The following BCO1 variants were observed in gnomAD, a reference collection of about 807,000 sequenced individuals.
BCO1 encodes the protein beta-carotene oxygenase 1.
BCO1 carries 54 observed loss-of-function variants against 56.3 expected under a neutral mutation model. The observed-to-expected ratio is 0.96, with a 90% confidence interval of 0.77 to 1.20. The LOEUF is 1.20. Ranked by LOEUF, BCO1 falls within the 50% of genes most tolerant of loss-of-function variation. The probability of loss-of-function intolerance (pLI) is 0.00; values close to 1 mark genes in which losing one functional copy is unlikely to be tolerated. For synonymous variants in BCO1, 318 were observed against 266.1 expected (o/e 1.20, Z -1.90); for missense variants, 801 against 690.9 (o/e 1.16, Z -1.79).
chr16:81,270,169 A>C lies in BCO1; in HGVS notation c.854A>C (p.His285Pro). 1 of 1,614,166 alleles carries C rather than the reference A, an allele frequency of 6.2e-7. No individual in the cohort carries two copies. Among genetic ancestry groups the C allele is most frequent in the South Asian group, 1.1e-5 (1 of 91,080 alleles). Residue 285 changes from histidine to proline, a missense_variant, in exon 7 of 11, where the codon CAC becomes CCC. Physicochemically the swap from His to Pro is moderately conservative, Grantham distance 77. Coordinates refer to ENST00000258168, the MANE Select transcript of BCO1 (RefSeq NM_017429.3). ...AFHREEKTYIHIIDQRTRQPV... is the reference protein window; with the variant it reads ...AFHREEKTYIPIIDQRTRQPV... ...TGTGTCCTTTTTCAGACTTATATCC[A>C]CATCATCGACCAAAGGACCAGGCAG...
At chr16:81,283,403 A>T (rs1907990530) in intron 8 of BCO1, among the ~76,000 whole-genome samples, 1 of 152,030 alleles carries the variant, frequency 6.6e-6, no homozygotes, top group Admixed American at 6.6e-5. Flanking sequence ...CAGCCTGGAC[A>T]ACATGGCAAA....
At chr16:81,277,796 C>T (rs1425044824) in intron 7 of BCO1, among the ~76,000 whole-genome samples, 1 of 152,170 alleles carries the variant, frequency 6.6e-6, no homozygotes, top group African/African-American at 2.4e-5. Flanking sequence ...AGCATGCTGG[C>T]CACTGAAAGC....
intron 1 of BCO1, 67 bp downstream of exon 1, chr16:81,239,039 C>G: frequency 7.7e-7 from 1 of 1,303,494 alleles, no homozygotes; most frequent in Admixed American, 2.2e-5. Flanking sequence ...TTTTTTGAGG[C>G]GGAGTCTCGC....
At chr16:81,274,122 C>A (rs2150630343) in intron 7 of BCO1, among the ~76,000 whole-genome samples, 1 of 152,290 alleles carries the variant, frequency 6.6e-6, no homozygotes, top group Non-Finnish European at 1.5e-5. Flanking sequence ...TCAAGGCTGA[C>A]CTCAGCCTAG....
intron 2 of BCO1, among the ~76,000 whole-genome samples, chr16:81,252,881 A>T (rs1417632856): frequency 1.3e-5 from 2 of 151,994 alleles, no homozygotes; most frequent in African/African-American, 4.8e-5. Flanking sequence ...AAAACTGCCC[A>T]CCTCACCACT....
chr16:81,271,797 T>C (rs1689014260), intron 7 of BCO1, among the ~76,000 whole-genome samples: 1 of 152,216 alleles, frequency 6.6e-6, no homozygotes, highest in Non-Finnish European at 1.5e-5. Flanking sequence ...CCGCCCAGGC[T>C]GGAGTGCAGT....
chr16:81,267,783 C>T, intron 5 of BCO1, 125 bp from the exon 6 acceptor site: 2 of 788,232 alleles, frequency 2.5e-6, no homozygotes, highest in South Asian at 1.5e-5. Flanking sequence ...TGTCTGTCTA[C>T]ACGTTGCTGT....
intron 7 of BCO1, among the ~76,000 whole-genome samples, chr16:81,272,150 G>GA (rs1453058286): frequency 2.4e-5 from 3 of 126,860 alleles, no homozygotes; most frequent in Non-Finnish European, 3.1e-5. Flanking sequence ...GTCTCGCTCT[G>GA]TGGCCCAGGC....
intron 8 of BCO1, among the ~76,000 whole-genome samples, chr16:81,284,685 A>C (rs1396896655): frequency 6.6e-6 from 1 of 152,058 alleles, no homozygotes; most frequent in African/African-American, 2.4e-5. Flanking sequence ...GGTTCTTGCC[A>C]TGTTGAGCAG....
chr16:81,260,170 C>G (rs1778925036), intron 3 of BCO1, among the ~76,000 whole-genome samples: 1 of 152,112 alleles, frequency 6.6e-6, no homozygotes, highest in Admixed American at 6.6e-5. Context: ...TAGCTGAAAA[C>G]AACCCAAATG....
intron 7 of BCO1, among the ~76,000 whole-genome samples, chr16:81,275,326 C>T (rs1321125174): frequency 1.3e-5 from 2 of 152,222 alleles, no homozygotes; most frequent in East Asian, 1.9e-4. Flanking sequence ...CCCCCATGTC[C>T]GGGCCTTGGC....
chr16:81,267,766 A>C, intron 5 of BCO1, 142 bp from the exon 6 acceptor site: 1 of 732,084 alleles, frequency 1.4e-6, no homozygotes, highest in South Asian at 1.5e-5. Context: ...AGCTGCAGCA[A>C]CCTTGTTGTC....
At chr16:81,259,617 T>A in intron 2 of BCO1, 59 bp from the exon 3 acceptor site, 1 of 1,612,360 alleles carries the variant, frequency 6.2e-7, no homozygotes. Context: ...AGGACTGACA[T>A]TGATTTTAAA....
intron 7 of BCO1, among the ~76,000 whole-genome samples, chr16:81,272,332 A>C (rs1443957617): frequency 2.0e-5 from 3 of 150,452 alleles, no homozygotes; most frequent in African/African-American, 4.9e-5. Context: ...GTTAGCCAGG[A>C]TGGTCTCAAC....
At chr16:81,280,203 C>T (rs1044183087) in intron 7 of BCO1, among the ~76,000 whole-genome samples, 18 of 131,472 alleles carry the variant, frequency 1.4e-4, no homozygotes, top group Admixed American at 9.1e-5. Flanking sequence ...GCAGAGGTTG[C>T]GGTAAGCCAA....
intron 10 of BCO1, among the ~76,000 whole-genome samples, chr16:81,287,977 G>A (rs1217290481): frequency 6.6e-6 from 1 of 152,130 alleles, no homozygotes; most frequent in Non-Finnish European, 1.5e-5. Flanking sequence ...TCCTCCTGGA[G>A]ATCAAGTTCA....
chr16:81,253,119 A>T (rs1395547610), intron 2 of BCO1, among the ~76,000 whole-genome samples: 1 of 152,052 alleles, frequency 6.6e-6, no homozygotes, highest in East Asian at 1.9e-4. Flanking sequence ...AAATATAAAA[A>T]ATAAAGATAA....
intron 2 of BCO1, among the ~76,000 whole-genome samples, chr16:81,256,022 G>T (rs937242981): frequency 6.6e-6 from 1 of 151,770 alleles, no homozygotes. Context: ...CCCCATGTTG[G>T]CCAGGCTGGT....
chr16:81,271,222 C>A (rs906618682), intron 7 of BCO1, among the ~76,000 whole-genome samples: 2 of 152,002 alleles, frequency 1.3e-5, no homozygotes, highest in Non-Finnish European at 1.5e-5. Flanking sequence ...TCAAGCGGTT[C>A]TCCTGCCTCG....
Sources: allele counts gnomAD v4.1 joint callset (sites outside exome capture counted in the v4.1 genomes callset), GRCh38; gene constraint gnomAD v4.1.1; transcripts MANE v1.5; gene names NCBI Gene and HGNC (gene_info 2026-07-23, HGNC 2026-07-21).